The following AGBL4 variants were observed in gnomAD, a reference collection of about 807,000 sequenced individuals.
The protein encoded by AGBL4 is AGBL carboxypeptidase 4, also known as cytosolic carboxypeptidase 6.
A neutral mutation model predicts 66.4 loss-of-function variants in AGBL4; 58 were observed. The ratio of observed to expected loss-of-function variants is 0.87; its 90% confidence interval spans 0.71 to 1.09. AGBL4 has a LOEUF of 1.09. AGBL4 is among the 50% of genes least tolerant of loss of function. AGBL4 has a pLI of 0.00. For synonymous variants in AGBL4, 234 were observed against 222.9 expected (o/e 1.05, Z -0.44); for missense variants, 579 against 631.0 (o/e 0.92, Z 0.88).
chr1:49,952,253 G>A (rs1296426286), intron 1 of AGBL4, among the ~76,000 whole-genome samples: 1 of 151,714 alleles, frequency 6.6e-6, no homozygotes. Context: ...TAACCACTAC[G>A]CACACTGCCT....
intron 4 of AGBL4, among the ~76,000 whole-genome samples, chr1:49,201,516 T>C (rs191788096): frequency 1.2e-4 from 19 of 152,308 alleles, no homozygotes; most frequent in Admixed American, 6.5e-4. Flanking sequence ...TAATGTGCAA[T>C]GAATAAAGCT....
chr1:49,624,391 G>C (rs187794954), intron 3 of AGBL4, among the ~76,000 whole-genome samples: 1 of 152,300 alleles, frequency 6.6e-6, no homozygotes, highest in Admixed American at 6.5e-5. Flanking sequence ...TGCTGCAAGA[G>C]AGATTTCTAA....
intron 1 of AGBL4, among the ~76,000 whole-genome samples, chr1:49,988,727 G>T (rs191821777): frequency 8.6e-4 from 131 of 152,134 alleles, no homozygotes; most frequent in African/African-American, 3.0e-3. Flanking sequence ...AAGAATATCT[G>T]GAAAAAACTA....
chr1:48,961,768 G>A (rs982848421), intron 5 of AGBL4, among the ~76,000 whole-genome samples: 4 of 152,224 alleles, frequency 2.6e-5, no homozygotes, highest in African/African-American at 9.6e-5. Context: ...GACAACAGCA[G>A]TTAGAACAAT....
intron 2 of AGBL4, among the ~76,000 whole-genome samples, chr1:49,790,044 G>A (rs1181690954): frequency 6.6e-6 from 1 of 152,100 alleles, no homozygotes; most frequent in African/African-American, 2.4e-5. Flanking sequence ...ACAACCATCT[G>A]ATCTTTGACA....
At chr1:48,807,877 C>T (rs1224342582) in intron 6 of AGBL4, among the ~76,000 whole-genome samples, 1 of 152,072 alleles carries the variant, frequency 6.6e-6, no homozygotes, top group Non-Finnish European at 1.5e-5. Flanking sequence ...CTGGGCTGGG[C>T]AGGGCTTTTA....
chr1:49,811,171 A>G (rs964453650), intron 2 of AGBL4, among the ~76,000 whole-genome samples: 3 of 152,164 alleles, frequency 2.0e-5, no homozygotes, highest in Non-Finnish European at 4.4e-5. Flanking sequence ...GTGTTTTATC[A>G]CCACTTTTAT....
At chr1:49,124,843 C>T (rs1428465336) in intron 4 of AGBL4, among the ~76,000 whole-genome samples, 4 of 152,112 alleles carry the variant, frequency 2.6e-5, no homozygotes, top group African/African-American at 9.7e-5. Context: ...TATATTTCAA[C>T]TTTATGGGTT....
At chr1:49,541,978 G>C (rs998291270) in intron 3 of AGBL4, among the ~76,000 whole-genome samples, 2 of 152,142 alleles carry the variant, frequency 1.3e-5, no homozygotes, top group East Asian at 1.9e-4. Flanking sequence ...TCTGTGCCCA[G>C]CTCAAGGTTT....
chr1:48,655,059 G>C (rs1645998191), intron 7 of AGBL4, among the ~76,000 whole-genome samples: 1 of 152,212 alleles, frequency 6.6e-6, no homozygotes, highest in Non-Finnish European at 1.5e-5. Flanking sequence ...ATGGCTTCTG[G>C]AAATGGAGTA....
chr1:48,729,405 G>A (rs1027573938), intron 6 of AGBL4, among the ~76,000 whole-genome samples: 31 of 152,110 alleles, frequency 2.0e-4, no homozygotes, highest in African/African-American at 7.5e-4. Flanking sequence ...AAAACCCTTG[G>A]GGACTCTTTG....
At chr1:49,630,358 T>C (rs1397520890) in intron 3 of AGBL4, among the ~76,000 whole-genome samples, 1 of 152,198 alleles carries the variant, frequency 6.6e-6, no homozygotes. Context: ...TGCCCTCTTG[T>C]GGCACATAGT....
chr1:49,777,004 A>G (rs554846138), intron 2 of AGBL4, among the ~76,000 whole-genome samples: 2 of 152,208 alleles, frequency 1.3e-5, no homozygotes, highest in Non-Finnish European at 2.9e-5. Context: ...CAAAAGAGGT[A>G]TTCAATAAAT....
intron 1 of AGBL4, among the ~76,000 whole-genome samples, chr1:49,884,371 T>C (rs1005422779): frequency 6.6e-6 from 1 of 151,916 alleles, no homozygotes; most frequent in Non-Finnish European, 1.5e-5. Context: ...TTATTATTAT[T>C]AGTCATCATC....
At chr1:49,844,454 C>T (rs1646084982) in intron 2 of AGBL4, among the ~76,000 whole-genome samples, 1 of 152,120 alleles carries the variant, frequency 6.6e-6, no homozygotes, top group Non-Finnish European at 1.5e-5. Flanking sequence ...TCTTCCTTTC[C>T]TTATTCTGTT....
intron 1 of AGBL4, among the ~76,000 whole-genome samples, chr1:50,021,879 T>C (rs1662469762): frequency 6.6e-6 from 1 of 152,178 alleles, no homozygotes; most frequent in African/African-American, 2.4e-5. Flanking sequence ...CCCAAATTCA[T>C]ATCATATTCT....
intron 2 of AGBL4, among the ~76,000 whole-genome samples, chr1:49,746,186 C>T (rs549637389): frequency 6.6e-6 from 1 of 152,010 alleles, no homozygotes; most frequent in South Asian, 2.1e-4. Flanking sequence ...GAACACTGTG[C>T]TCATTAGACA....
chr1:49,006,677 T>A (rs1365454233), intron 5 of AGBL4, among the ~76,000 whole-genome samples: 46 of 150,878 alleles, frequency 3.0e-4, no homozygotes, highest in Non-Finnish European at 4.9e-4. Context: ...CAGCTGGAGA[T>A]CTGAGAACGG....
At chr1:48,645,267 C>T (rs183546799) in intron 8 of AGBL4, among the ~76,000 whole-genome samples, 8 of 152,220 alleles carry the variant, frequency 5.3e-5, no homozygotes, top group Non-Finnish European at 1.0e-4. Context: ...CTGTCTGGCC[C>T]GTGCTGTCAC....
Sources: allele counts gnomAD v4.1 joint callset (sites outside exome capture counted in the v4.1 genomes callset), GRCh38; gene constraint gnomAD v4.1.1; transcripts MANE v1.5; gene names NCBI Gene and HGNC (gene_info 2026-07-23, HGNC 2026-07-21).